CHD7: variants seen among roughly 807,000 people sequenced by gnomAD.
CHD7 encodes chromodomain helicase DNA binding protein 7.
In CHD7, 24 loss-of-function variants were observed where a neutral mutation model predicts 307.3. The ratio of observed to expected loss-of-function variants is 0.08; its 90% CI spans 0.06 to 0.11. The LOEUF is 0.11. CHD7 is among the 10% of genes least tolerant of loss of function. CHD7 has a pLI of 1.00. For missense variants in CHD7, 3,106 were observed against 3,727.1 expected, an observed-to-expected ratio of 0.83 and a Z score of 4.34; for synonymous variants, 1,363 against 1,349.9, an observed-to-expected ratio of 1.01 and a Z score of -0.21.
chr8:60,719,011 G>A (rs1470984427), intron 1 of CHD7, among the ~76,000 whole-genome samples: 2 of 152,236 alleles, frequency 1.3e-5, no homozygotes, highest in African/African-American at 4.8e-5. Context: ...GCCTAGGTGT[G>A]TAGGAGGCTG....
intron 1 of CHD7, among the ~76,000 whole-genome samples, chr8:60,701,435 GTT>G (rs1806755702): frequency 6.6e-6 from 1 of 152,174 alleles, no homozygotes. Flanking sequence ...TTTCTAGCTA[GTT>G]ATACTTGGAT....
At chr8:60,679,304 C>A (rs972059252) in intron 1 of CHD7, among the ~76,000 whole-genome samples, 3 of 146,366 alleles carry the variant, frequency 2.0e-5, no homozygotes, top group Non-Finnish European at 3.0e-5. Context: ...CCGCGGGGCC[C>A]GAACCCGCGC....
At chr8:60,760,359 C>T (rs2150617765) in intron 2 of CHD7, among the ~76,000 whole-genome samples, 1 of 150,084 alleles carries the variant, frequency 6.7e-6, no homozygotes, top group South Asian at 2.1e-4. Flanking sequence ...GGATTAAAGA[C>T]TTAAACGTTA....
intron 3 of CHD7, among the ~76,000 whole-genome samples, chr8:60,783,287 T>C (rs1811347812): frequency 6.6e-6 from 1 of 152,342 alleles, no homozygotes; most frequent in Admixed American, 6.5e-5. Context: ...TAAAATGCTG[T>C]ATTTAACAAT....
chr8:60,774,138 G>T (rs1810839348), intron 2 of CHD7, among the ~76,000 whole-genome samples: 1 of 152,124 alleles, frequency 6.6e-6, no homozygotes, highest in Non-Finnish European at 1.5e-5. Context: ...CACTGTTGGG[G>T]GTCCTGGTCA....
Position 60,844,870 on chromosome 8 carries a change from A to G in CHD7, c.4857A>G (p.Gly1619=). The stretch of plus-strand genomic sequence containing the variant: ...CTGGATATTTGCTTTGCAGTTGGGG[A>G]CGGTGGACAGACATTCTTTCCCACG... ...VEKNLLVYGW[G]RWTDILSHGR... Residue 1619 remains glycine (G), a synonymous_variant, in exon 22 of 38, where the codon GGA becomes GGG. Transcript: ENST00000423902. The G allele has an allele frequency of 5.0e-6, 8 of 1,594,296 alleles. No individual in the cohort carries two copies. The highest frequency in any genetic ancestry group is 6.9e-6 in the Non-Finnish European group (8 of 1,167,570).
Position 60,855,982 on chromosome 8 carries a change from T to C in CHD7, c.6944T>C (p.Val2315Ala). Residue 2315 changes from valine to alanine, a missense_variant, in exon 33 of 38, where the codon GTA (valine) becomes GCA (alanine). Coordinates refer to ENST00000423902, the MANE Select transcript of CHD7 (RefSeq NM_017780.4). ...CTTTTCTTCTCCCTCCAGGATAGAG[T>C]AATGATAAACCGCTTAGACAACATC... ...FAFSFWPKDR[V>A]MINRLDNICE... The C allele has an allele frequency of 6.2e-7, 1 of 1,604,042 alleles. No individual in the cohort carries two copies. The highest frequency in any genetic ancestry group is 8.5e-7 in the Non-Finnish European group (1 of 1,174,430).
At chr8:60,831,924 A>G (rs957093923) in intron 15 of CHD7, among the ~76,000 whole-genome samples, 3 of 152,262 alleles carry the variant, frequency 2.0e-5, no homozygotes, top group Admixed American at 2.0e-4. Context: ...TTACTAATGG[A>G]CAGAGTAGTC....
At chr8:60,805,291 A>G (rs867188720) in intron 6 of CHD7, among the ~76,000 whole-genome samples, 5 of 152,236 alleles carry the variant, frequency 3.3e-5, no homozygotes, top group South Asian at 2.1e-4. Flanking sequence ...TCATATTTAT[A>G]TGAAAGGAAC....
Position 60,742,262 on chromosome 8 carries a change from C to G in CHD7, c.830C>G (p.Pro277Arg). 6.2e-7 allele frequency: 1 copy of G among 1,613,866 alleles called. No individual in the cohort carries two copies. The highest frequency in any genetic ancestry group is 8.5e-7 in the Non-Finnish European group (1 of 1,179,876). Residue 277 changes from proline (P) to arginine (R), a missense_variant, in exon 2 of 38, where the codon CCG becomes CGG. Around this residue, in one of 10 missense-constraint regions of CHD7, gnomAD observed 998 missense variants for 1,004.5 expected, o/e 0.99. Transcript: ENST00000423902. ...GTTGCCCACAGTCCCAGATTCTCCC[C>G]GAATCCTCCCCAACAAGGGGCTGTT... is the stretch of plus-strand genomic sequence containing the variant. ...ESVAHSPRFSPNPPQQGAVRP... is the reference protein window; with the variant it reads ...ESVAHSPRFSRNPPQQGAVRP...
chr8:60,829,632 G>A (rs965709634), intron 14 of CHD7, among the ~76,000 whole-genome samples: 1 of 152,022 alleles, frequency 6.6e-6, no homozygotes, highest in Non-Finnish European at 1.5e-5. Context: ...AAAGTGCTTG[G>A]CTATTTTATA....
At chr8:60,793,660 A>T (rs866594601) in intron 3 of CHD7, among the ~76,000 whole-genome samples, 3 of 152,308 alleles carry the variant, frequency 2.0e-5, no homozygotes, top group Non-Finnish European at 2.9e-5. Flanking sequence ...TTTTCCTGAG[A>T]ACTTACAAAC....
chr8:60,837,018 T>C lies in CHD7; in HGVS notation c.4185+6T>C, dbSNP rs1344327128. ...ATCCCCAAAATGACCTCCAGGTAAA[T>C]GCACAAGAAAGTCCTGATGCCTTTA... On this transcript the variant is annotated splice_donor_region_variant and intron_variant, in intron 17 of 37. Coordinates refer to ENST00000423902, the MANE Select transcript of CHD7 (RefSeq NM_017780.4). 1 of 1,603,076 alleles carries C rather than the reference T, an allele frequency of 6.2e-7. No individual in the cohort carries two copies. Among genetic ancestry groups the C allele is most frequent in the Non-Finnish European group, 8.5e-7 (1 of 1,172,526 alleles).
At chr8:60,799,581 A>G (rs1260242153) in intron 4 of CHD7, among the ~76,000 whole-genome samples, 1 of 152,252 alleles carries the variant, frequency 6.6e-6, no homozygotes, top group Non-Finnish European at 1.5e-5. Context: ...TTTATTTAAA[A>G]TGGCCTGAAA....
At chr8:60,749,705 G>T (rs1563568695) in intron 2 of CHD7, among the ~76,000 whole-genome samples, 1 of 152,118 alleles carries the variant, frequency 6.6e-6, no homozygotes, top group African/African-American at 2.4e-5. Context: ...GGAGCAGGTT[G>T]CCCCATCTGG....
intron 1 of CHD7, among the ~76,000 whole-genome samples, chr8:60,685,411 T>G (rs1455808498): frequency 1.3e-5 from 2 of 152,230 alleles, no homozygotes; most frequent in African/African-American, 4.8e-5. Flanking sequence ...TAGAATCCTG[T>G]GGTAACCAGA....
chr8:60,822,828 G>A, intron 12 of CHD7, 82 bp downstream of exon 12: 1 of 1,352,738 alleles, frequency 7.4e-7, no homozygotes, highest in South Asian at 2.1e-5. Flanking sequence ...TTGGTGACTT[G>A]GGAAGGTCTA....
chr8:60,799,111 TAAG>T (rs1435865118), intron 4 of CHD7, among the ~76,000 whole-genome samples: 1 of 152,256 alleles, frequency 6.6e-6, no homozygotes, highest in Non-Finnish European at 1.5e-5. Flanking sequence ...CTTTTTGTCT[TAAG>T]AAGTTAATAT....
At chr8:60,695,200 T>C (rs1041200940) in intron 1 of CHD7, among the ~76,000 whole-genome samples, 2 of 152,100 alleles carry the variant, frequency 1.3e-5, no homozygotes, top group African/African-American at 4.8e-5. Flanking sequence ...GGGAGAGGTG[T>C]AAAAAGATCA....
Sources: gnomAD v4.1 joint callset for allele counts (sites outside exome capture counted in the v4.1 genomes callset) on GRCh38, gnomAD v4.1.1 for gene constraint, gnomAD v4.1.1 regional missense constraint, MANE v1.5 for transcripts, NCBI Gene and HGNC (gene_info 2026-07-23, HGNC 2026-07-21) for gene names.